WWOX: variants seen among roughly 807,000 people sequenced by gnomAD.
The protein encoded by WWOX is WW domain-containing oxidoreductase.
WWOX carries 69 observed loss-of-function variants against 46.2 expected under a neutral mutation model. The observed-to-expected ratio is 1.49, with a 90% CI of 1.23 to 1.82. WWOX has a LOEUF of 1.82. Ranked by LOEUF, WWOX falls within the 40% of genes most tolerant of loss-of-function variation. WWOX has a pLI of 0.00. For missense variants in WWOX, 919 were observed against 542.6 expected (o/e 1.69, Z -6.89); for synonymous variants, 359 against 202.6 (o/e 1.77, Z -6.56).
At chr16:78,194,449 G>A (rs901729361) in intron 5 of WWOX, among the ~76,000 whole-genome samples, 11 of 151,652 alleles carry the variant, frequency 7.3e-5, no homozygotes, top group South Asian at 2.1e-4. Flanking sequence ...TTAGCCTGGC[G>A]TGGTGGTGGG....
chr16:78,961,589 G>T (rs1009973572), intron 8 of WWOX, among the ~76,000 whole-genome samples: 1 of 151,886 alleles, frequency 6.6e-6, no homozygotes, highest in African/African-American at 2.4e-5. Flanking sequence ...GGTGAGTAAG[G>T]GGGGATAAAT....
intron 8 of WWOX, among the ~76,000 whole-genome samples, chr16:78,697,882 G>T (rs2048134446): frequency 1.3e-5 from 2 of 152,216 alleles, no homozygotes; most frequent in South Asian, 4.2e-4. Flanking sequence ...CCTGGCTTAG[G>T]GTTGAGAAAA....
At chr16:78,324,300 T>C (rs2080559422) in intron 5 of WWOX, among the ~76,000 whole-genome samples, 1 of 152,110 alleles carries the variant, frequency 6.6e-6, no homozygotes, top group Non-Finnish European at 1.5e-5. Context: ...CAGCAGGTGT[T>C]GCTGGGAATG....
At chr16:79,068,304 A>G (rs1326116606) in intron 8 of WWOX, among the ~76,000 whole-genome samples, 2 of 152,146 alleles carry the variant, frequency 1.3e-5, no homozygotes, top group Admixed American at 1.3e-4. Context: ...GCCTGTAACC[A>G]TCTTGGGGGT....
intron 8 of WWOX, among the ~76,000 whole-genome samples, chr16:78,631,217 C>G (rs2046421448): frequency 6.6e-6 from 1 of 152,124 alleles, no homozygotes; most frequent in South Asian, 2.1e-4. Context: ...CTGTACAAAT[C>G]ACATTTAGGA....
chr16:78,415,111 AAT>A (rs1022705992), intron 6 of WWOX, among the ~76,000 whole-genome samples: 1 of 148,614 alleles, frequency 6.7e-6, no homozygotes, highest in Admixed American at 6.7e-5. Flanking sequence ...TATTATATAT[AAT>A]ATATATTTTA....
chr16:78,547,715 C>G (rs12922957), intron 8 of WWOX, among the ~76,000 whole-genome samples: 1,676 of 152,242 alleles, frequency 0.011, 30 homozygotes, highest in African/African-American at 0.038. Flanking sequence ...CACCTCCTTG[C>G]TATGTCCTCA....
At chr16:79,204,706 A>C (rs1364549142) in intron 8 of WWOX, 1 of 152,248 alleles carries the variant, frequency 6.6e-6, no homozygotes, top group African/African-American at 2.4e-5. Context: ...AGCCCAAGTT[A>C]ACATCCTCCC....
chr16:78,873,711 G>A (rs921613203), intron 8 of WWOX, among the ~76,000 whole-genome samples: 1 of 152,086 alleles, frequency 6.6e-6, no homozygotes, highest in Non-Finnish European at 1.5e-5. Flanking sequence ...ATTGCTTGAG[G>A]CCGGAAGTTC....
At chr16:78,355,623 T>C in intron 5 of WWOX, 1 of 586,336 alleles carries the variant, frequency 1.7e-6, no homozygotes, top group South Asian at 1.5e-5. Flanking sequence ...TGTGTGAAAA[T>C]GAGAAACGAC....
chr16:78,179,738 C>G (rs943315572), intron 5 of WWOX: 2 of 152,176 alleles, frequency 1.3e-5, no homozygotes, highest in African/African-American at 4.8e-5. Context: ...GAACAAACAG[C>G]CGAGAGATGA....
At chr16:79,144,635 C>G (rs181659696) in intron 8 of WWOX, among the ~76,000 whole-genome samples, 2 of 151,868 alleles carry the variant, frequency 1.3e-5, no homozygotes, top group South Asian at 2.1e-4. Flanking sequence ...AGGAAAAACC[C>G]GACTTTTGAC....
chr16:79,019,188 A>AAAAAAAAG (rs1567490001), intron 8 of WWOX, among the ~76,000 whole-genome samples: 16 of 60,888 alleles, frequency 2.6e-4, no homozygotes, highest in Admixed American at 3.8e-4. Flanking sequence ...AAAAAAAAGA[A>AAAAAAAAG]AAAAAAAAGT....
At chr16:78,104,901 T>A (rs2032043865) in intron 1 of WWOX, among the ~76,000 whole-genome samples, 1 of 152,214 alleles carries the variant, frequency 6.6e-6, no homozygotes, top group Non-Finnish European at 1.5e-5. Flanking sequence ...TTGAGGAAAC[T>A]GAGGCATGGG....
intron 8 of WWOX, among the ~76,000 whole-genome samples, chr16:78,530,107 A>G (rs891430499): frequency 6.6e-6 from 1 of 152,202 alleles, no homozygotes; most frequent in Non-Finnish European, 1.5e-5. Context: ...TGCAGGAGCC[A>G]GGGTAAATGC....
At chr16:78,291,312 C>T (rs1462962378) in intron 5 of WWOX, among the ~76,000 whole-genome samples, 1 of 152,174 alleles carries the variant, frequency 6.6e-6, no homozygotes, top group African/African-American at 2.4e-5. Flanking sequence ...GTTATTTTGA[C>T]TGCATTTCAC....
intron 8 of WWOX, among the ~76,000 whole-genome samples, chr16:78,909,879 C>T (rs139604114): frequency 4.2e-4 from 64 of 152,262 alleles, no homozygotes; most frequent in Middle Eastern, 6.8e-3. Flanking sequence ...CATGCTTATT[C>T]CTTAGGCATC....
intron 5 of WWOX, among the ~76,000 whole-genome samples, chr16:78,326,296 G>A (rs1360296677): frequency 1.3e-5 from 2 of 152,172 alleles, no homozygotes; most frequent in South Asian, 2.1e-4. Flanking sequence ...CATATGCTCA[G>A]TTGCAGAAAC....
At chr16:78,453,792 G>T (rs1210749256) in intron 8 of WWOX, among the ~76,000 whole-genome samples, 1 of 151,970 alleles carries the variant, frequency 6.6e-6, no homozygotes, top group Non-Finnish European at 1.5e-5. Context: ...TGCGAAGATA[G>T]TTAAGCTCTT....
Sources: allele counts gnomAD v4.1 joint callset (sites outside exome capture counted in the v4.1 genomes callset), GRCh38; gene constraint gnomAD v4.1.1; transcripts MANE v1.5; gene names NCBI Gene and HGNC (gene_info 2026-07-23, HGNC 2026-07-21).